Variants in LAMB1 observed in about 807,000 individuals in gnomAD.
LAMB1 encodes laminin subunit beta 1, also known as laminin subunit beta-1.
Under a neutral mutation model 222.3 loss-of-function variants are expected in LAMB1, and 121 were observed. That is an observed-to-expected ratio of 0.54 (90% CI 0.47 to 0.63). LAMB1 has a LOEUF of 0.63. LAMB1 is among the 30% of genes least tolerant of loss of function. LAMB1 has a pLI of 0.00. For synonymous variants in LAMB1, 794 were observed against 807.2 expected (o/e 0.98, Z 0.28); for missense variants, 2,172 against 2,240.8 (o/e 0.97, Z 0.62).
intron 5 of LAMB1, among the ~76,000 whole-genome samples, chr7:107,990,131 C>T (rs755827097): frequency 9.9e-5 from 15 of 152,060 alleles, no homozygotes; most frequent in East Asian, 5.8e-4. Context: ...CTTGACCTCC[C>T]GGGCTCAAGC....
chr7:107,955,373 T>G, intron 21 of LAMB1, 94 bp downstream of exon 21: 1 of 1,083,224 alleles, frequency 9.2e-7, no homozygotes, highest in African/African-American at 1.6e-5. Flanking sequence ...TAGACTTAAT[T>G]GGTTCACTTT....
intron 7 of LAMB1, among the ~76,000 whole-genome samples, chr7:107,981,637 A>G (rs2150443633): frequency 6.6e-6 from 1 of 152,314 alleles, no homozygotes; most frequent in East Asian, 1.9e-4. Flanking sequence ...CAGCTGCATG[A>G]CTGCTGGAAC....
intron 9 of LAMB1, 88 bp downstream of exon 9, chr7:107,977,959 A>G (rs2033900785): frequency 6.7e-7 from 1 of 1,486,652 alleles, no homozygotes; most frequent in South Asian, 1.2e-5. Flanking sequence ...TACCCTCTGC[A>G]AAACAGTACA....
intron 7 of LAMB1, 146 bp from the exon 8 acceptor site, chr7:107,980,957 A>G (rs1206049120): frequency 8.4e-6 from 5 of 597,194 alleles, no homozygotes; most frequent in Non-Finnish European, 1.5e-5. Flanking sequence ...GATGACTCCA[A>G]TAGTGAAGCC....
intron 13 of LAMB1, among the ~76,000 whole-genome samples, chr7:107,965,507 A>G (rs2033615296): frequency 6.6e-6 from 1 of 152,130 alleles, no homozygotes. Flanking sequence ...TGAACCCGGG[A>G]GGCAGAGGTT....
In LAMB1 at chr7:107,966,047, G is replaced by A. The variant is rs542053707; in HGVS notation, c.1563-1360C>T. Among the ~76,000 whole-genome samples the A allele has an allele frequency of 1.2e-3, 186 of 151,422 alleles. 1 individual carries two copies. The highest frequency in any genetic ancestry group is 3.9e-3 in the African/African-American group (163 of 41,306). On this transcript the variant is annotated intron_variant, in intron 13 of 33. Transcript: ENST00000222399. ...CAGGAGGTGGAAGTTGCAGTGAGCC[G>A]AGATCATGCCATTGCACTCCAGCCT...
rs1449696834 is a variant in LAMB1, at chr7:107,951,315, C to T, written c.3302G>A (p.Gly1101Glu). Residue 1101 changes from glycine (G) to glutamate (E), a missense_variant, in exon 24 of 34, where the codon GGG becomes GAG. By Grantham distance (98) the Gly-to-Glu change is moderately conservative. Transcript: ENST00000222399. The stretch of plus-strand genomic sequence containing the variant: ...AAACCCAGGCATGCACTGGCACTGC[C>T]CCGTGAACTGCGGCCAGAACACAGA... ...SFGPSCNEFT[G>E]QCQCMPGFGG... is the part of the protein sequence containing the mutation. The T allele has an allele frequency of 6.2e-7, 1 of 1,614,120 alleles. No homozygotes were observed. Among genetic ancestry groups the T allele is most frequent in the Non-Finnish European group, 8.5e-7 (1 of 1,179,998 alleles).
At chr7:107,982,360 C>T (rs1291521485) in intron 7 of LAMB1, among the ~76,000 whole-genome samples, 4 of 152,218 alleles carry the variant, frequency 2.6e-5, no homozygotes, top group Admixed American at 2.6e-4. Context: ...CCCAGTACAT[C>T]AGATATTTTC....
chr7:107,970,980 C>T (rs143376288), intron 13 of LAMB1, among the ~76,000 whole-genome samples: 35 of 152,216 alleles, frequency 2.3e-4, no homozygotes, highest in African/African-American at 7.9e-4. Flanking sequence ...TGATCTGGCG[C>T]GCCGGCCTCC....
intron 13 of LAMB1, among the ~76,000 whole-genome samples, chr7:107,969,748 T>C (rs546203473): frequency 2.6e-5 from 4 of 152,244 alleles, no homozygotes; most frequent in Non-Finnish European, 5.9e-5. Flanking sequence ...AGCATATTAC[T>C]GTATTGAATA....
intron 24 of LAMB1, among the ~76,000 whole-genome samples, chr7:107,945,868 C>CA (rs1371874720): frequency 1.3e-5 from 2 of 152,212 alleles, no homozygotes; most frequent in African/African-American, 4.8e-5. Flanking sequence ...CTAATGACTC[C>CA]ATTTCCTACT....
chr7:107,954,769 TGACAGAGTGA>T (rs2033339905), intron 21 of LAMB1, among the ~76,000 whole-genome samples: 1 of 152,116 alleles, frequency 6.6e-6, no homozygotes, highest in African/African-American at 2.4e-5. Flanking sequence ...CCAGCCTGGG[TGACAGAGTGA>T]GACCCCGTCT....
Position 107,923,887 on chromosome 7 carries a change from A to T in LAMB1, c.*64T>A. 1 of 1,405,174 alleles carries T rather than the reference A, an allele frequency of 7.1e-7. No homozygotes were observed. The highest frequency in any genetic ancestry group is 9.8e-7 in the Non-Finnish European group (1 of 1,022,748). The allele number at this position is 1,405,174 out of a possible 1,614,324, so 87.0% of individuals were successfully genotyped here. A position where few individuals can be genotyped will look rare whatever the true frequency, so the allele number is the denominator to read the frequency against. ...GTGATGTTTTATTTTGAAGAGCATT[A>T]AGTCAGTTTTTAAAATGTAGTTGTT... On this transcript the variant is annotated 3_prime_UTR_variant, in exon 34 of 34. Transcript: ENST00000222399.
Position 107,975,408 on chromosome 7 carries a change from T to G in LAMB1, c.1195A>C (p.Thr399Pro). 1 of 1,609,664 alleles carries G rather than the reference T, an allele frequency of 6.2e-7. No homozygotes were observed. Among genetic ancestry groups the G allele is most frequent in the Non-Finnish European group, 8.5e-7 (1 of 1,178,246 alleles). The part of the protein sequence containing the change: ...IRDPNFCERC[T>P]CDPAGSQNEG... Reference sequence around the variant, plus strand: ...TTTTGAGAGCCAGCTGGGTCACACGTACATCCTGAGAAGAATGCAAAGCAC... The same window carrying G: ...TTTTGAGAGCCAGCTGGGTCACACGGACATCCTGAGAAGAATGCAAAGCAC... The change falls in exon 11 of 34, where the codon ACG becomes CCG. Residue 399 changes from threonine (T) to proline (P), a missense_variant. Coordinates refer to ENST00000222399, the MANE Select transcript of LAMB1 (RefSeq NM_002291.3).
Position 107,932,763 on chromosome 7 carries a change from GACCAGC to G in LAMB1, c.4189-392_4189-387del, listed in dbSNP as rs571807742. ...AAAACCTATTGTGAACCATCTTTGG[GACCAGC>G]ACCAGCACCATGTTAACTCCTCCAG... On this transcript the variant is annotated intron_variant, in intron 27 of 33. Transcript: ENST00000222399. 1.8e-4 allele frequency: 45 copies of G among 249,524 alleles called. No homozygotes were observed. The East Asian group carries it at 2.5e-3, about 14-fold the overall frequency. The allele number at this position is 249,524 out of a possible 1,614,324, so 15.5% of individuals were successfully genotyped here.
chr7:107,956,015 G>A (rs2033368778), intron 20 of LAMB1, among the ~76,000 whole-genome samples: 1 of 152,248 alleles, frequency 6.6e-6, no homozygotes, highest in Non-Finnish European at 1.5e-5. Context: ...TCCTGCCTCA[G>A]CCTCCCAGGT....
intron 5 of LAMB1, among the ~76,000 whole-genome samples, chr7:107,993,367 CA>C (rs1226127393): frequency 6.6e-6 from 1 of 152,176 alleles, no homozygotes; most frequent in Non-Finnish European, 1.5e-5. Flanking sequence ...CTCCTGACCT[CA>C]AGTGATCTGC....
At chr7:107,953,796 G>T in intron 21 of LAMB1, 42 bp from the exon 22 acceptor site, 1 of 1,569,510 alleles carries the variant, frequency 6.4e-7, no homozygotes, top group South Asian at 1.1e-5. Context: ...TTAGCTTATT[G>T]ACTGAAAGCT....
chr7:107,929,964 A>G, intron 29 of LAMB1: 1 of 322,722 alleles, frequency 3.1e-6, no homozygotes, highest in South Asian at 3.2e-5. Context: ...ACGGCAGAGT[A>G]TGTTACGGGA....
Sources: gnomAD v4.1 joint callset for allele counts (sites outside exome capture counted in the v4.1 genomes callset) on GRCh38, gnomAD v4.1.1 for gene constraint, MANE v1.5 for transcripts, NCBI Gene and HGNC (gene_info 2026-07-23, HGNC 2026-07-21) for gene names.